AEBP2: variants seen among roughly 807,000 people sequenced by gnomAD.
AEBP2 encodes AE binding protein 2.
A neutral mutation model predicts 50.8 loss-of-function variants in AEBP2; 10 were observed. The ratio of observed to expected loss-of-function variants is 0.20; its 90% confidence interval spans 0.12 to 0.33. AEBP2 has a LOEUF of 0.33. Among genes scored for constraint, AEBP2 ranks in the 10% least tolerant of loss-of-function variants. The pLI, the probability that AEBP2 is intolerant of heterozygous loss-of-function variation, is 1.00. For missense variants in AEBP2, 570 were observed against 688.0 expected (o/e 0.83, Z 1.92); for synonymous variants, 296 against 261.3 (o/e 1.13, Z -1.28).
At chr12:19,451,913 A>G (rs970019379) in intron 1 of AEBP2, among the ~76,000 whole-genome samples, 6 of 151,914 alleles carry the variant, frequency 3.9e-5, no homozygotes, top group Admixed American at 3.9e-4. Context: ...TATTTTTGAG[A>G]TGGATTCTTG....
chr12:19,456,217 CCG>C (rs1221982798), intron 1 of AEBP2: 1 of 1,436,242 alleles, frequency 7.0e-7, no homozygotes, highest in African/African-American at 1.4e-5. Flanking sequence ...CTGATTAAGA[CCG>C]GGGTGGCAGG....
chr12:19,483,907 T>A (rs1284092626), intron 3 of AEBP2, among the ~76,000 whole-genome samples: 1 of 150,388 alleles, frequency 6.6e-6, no homozygotes, highest in African/African-American at 2.5e-5. Flanking sequence ...ATGTAAACAT[T>A]GCTAATTTTG....
At chr12:19,516,043 C>T (rs764593226) in intron 7 of AEBP2, among the ~76,000 whole-genome samples, 5 of 152,194 alleles carry the variant, frequency 3.3e-5, no homozygotes, top group South Asian at 2.1e-4. Flanking sequence ...CAGGATTACA[C>T]CACTGCACTC....
chr12:19,436,038 A>G (rs1947859108), upstream of AEBP2, among the ~76,000 whole-genome samples: 1 of 152,216 alleles, frequency 6.6e-6, no homozygotes, highest in South Asian at 2.1e-4. Context: ...AGTTAGGATA[A>G]GATAGCAGGT....
At chr12:19,472,960 T>C (rs1365472144) in intron 2 of AEBP2, among the ~76,000 whole-genome samples, 1 of 152,166 alleles carries the variant, frequency 6.6e-6, no homozygotes, top group Non-Finnish European at 1.5e-5. Flanking sequence ...TAATGGCCCA[T>C]GGTCTCAGTT....
intron 1 of AEBP2, among the ~76,000 whole-genome samples, chr12:19,429,599 A>T (rs368550038): frequency 3.9e-5 from 6 of 152,206 alleles, no homozygotes; most frequent in Non-Finnish European, 8.8e-5. Context: ...CACCAACAGT[A>T]TAAAAGTGTT....
chr12:19,436,548 G>GT (rs1947863274), upstream of AEBP2, among the ~76,000 whole-genome samples: 2 of 150,892 alleles, frequency 1.3e-5, no homozygotes, highest in African/African-American at 4.9e-5. Context: ...CCCCTTTCTG[G>GT]TAACACTTTG....
At position 19,433,648 on chromosome 12, in the gene AEBP2, C is replaced by T. The variant is rs1034933857; in HGVS notation, c.-16-28862C>T. On this transcript the variant is annotated intron_variant, in intron 1 of 3. Coordinates refer to the AEBP2 transcript ENST00000538425. ...TGCATAAATTAGCTGGGCGTGATGGCAGGCGCCTGTGATCCCAGCTACTCG... is the reference window on the plus strand; with the variant it reads ...TGCATAAATTAGCTGGGCGTGATGGTAGGCGCCTGTGATCCCAGCTACTCG... Among the ~76,000 whole-genome samples the T allele has an allele frequency of 4.0e-5, 6 of 151,584 alleles. No homozygotes were observed. In the South Asian group the frequency reaches 6.3e-4, roughly 16 times the overall value.
intron 4 of AEBP2, among the ~76,000 whole-genome samples, chr12:19,495,190 A>G (rs1404589397): frequency 1.3e-5 from 2 of 152,234 alleles, no homozygotes; most frequent in African/African-American, 2.4e-5. Flanking sequence ...GGCATGAGCC[A>G]CTGTGCTCGA....
At chr12:19,499,755 A>G (rs765693809) in intron 4 of AEBP2, among the ~76,000 whole-genome samples, 1 of 152,134 alleles carries the variant, frequency 6.6e-6, no homozygotes, top group Non-Finnish European at 1.5e-5. Flanking sequence ...TGATATATAG[A>G]TGGTGTTCCT....
intron 1 of AEBP2, among the ~76,000 whole-genome samples, chr12:19,448,903 C>A (rs990884219): frequency 1.3e-5 from 2 of 152,058 alleles, no homozygotes; most frequent in African/African-American, 2.4e-5. Flanking sequence ...TGGTCTCGAA[C>A]CCCTGAGCTC....
At chr12:19,448,958 G>T (rs1368039601) in intron 1 of AEBP2, among the ~76,000 whole-genome samples, 1 of 152,148 alleles carries the variant, frequency 6.6e-6, no homozygotes, top group Non-Finnish European at 1.5e-5. Context: ...GGGATTACAG[G>T]TGTGAGCCAC....
At chr12:19,483,239 T>C (rs1378568534) in intron 3 of AEBP2, among the ~76,000 whole-genome samples, 2 of 152,192 alleles carry the variant, frequency 1.3e-5, no homozygotes, top group Non-Finnish European at 2.9e-5. Flanking sequence ...AGCTAGAGGC[T>C]GGGAATGCTT....
intron 1 of AEBP2, among the ~76,000 whole-genome samples, chr12:19,415,930 T>C (rs1209804790): frequency 6.6e-6 from 1 of 152,218 alleles, no homozygotes; most frequent in East Asian, 1.9e-4. Context: ...GGCTCATGCC[T>C]GTAAACCCAG....
chr12:19,428,089 T>C (rs1267777763), intron 1 of AEBP2, among the ~76,000 whole-genome samples: 1 of 151,776 alleles, frequency 6.6e-6, no homozygotes, highest in East Asian at 1.9e-4. Context: ...AATACAAAAA[T>C]TAGCTGGCAT....
intron 1 of AEBP2, among the ~76,000 whole-genome samples, chr12:19,415,316 C>CAAAAAA (rs869125193): frequency 1.7e-5 from 1 of 59,546 alleles, no homozygotes; most frequent in Non-Finnish European, 2.6e-5. Flanking sequence ...GACCCTGTCT[C>CAAAAAA]AAAAAAAAAA....
At chr12:19,418,372 A>C (rs2095743766) in intron 1 of AEBP2, among the ~76,000 whole-genome samples, 1 of 146,218 alleles carries the variant, frequency 6.8e-6, no homozygotes, top group South Asian at 2.2e-4. Flanking sequence ...CTACAGGTGC[A>C]TGCTAACTAT....
At chr12:19,446,645 C>T (rs762300987) in intron 1 of AEBP2, among the ~76,000 whole-genome samples, 8 of 149,476 alleles carry the variant, frequency 5.4e-5, no homozygotes, top group South Asian at 2.1e-4. Flanking sequence ...GGCAGGAGAA[C>T]GGCGTGAACC....
intron 1 of AEBP2, chr12:19,457,513 C>T: frequency 6.7e-7 from 1 of 1,483,346 alleles, no homozygotes; most frequent in Non-Finnish European, 9.0e-7. Context: ...ATCTCAGCAG[C>T]CTCCTTCTCA....
Sources: allele counts gnomAD v4.1 joint callset (sites outside exome capture counted in the v4.1 genomes callset), GRCh38; gene constraint gnomAD v4.1.1; transcripts MANE v1.5; gene names NCBI Gene and HGNC (gene_info 2026-07-23, HGNC 2026-07-21).